TBC1D5: variants seen among roughly 807,000 people sequenced by gnomAD.
TBC1D5 encodes the protein TBC1 domain family, member 5.
Under a neutral mutation model 100.3 loss-of-function variants are expected in TBC1D5, and 75 were observed. That is an observed-to-expected ratio of 0.75 (90% confidence interval 0.62 to 0.91). The LOEUF (loss-of-function observed/expected upper bound fraction) is 0.91, where lower values mean the gene tolerates loss of function less well. TBC1D5 is among the 40% of genes least tolerant of loss of function. TBC1D5 has a pLI of 0.00. For synonymous variants in TBC1D5, 323 were observed against 325.6 expected, an observed-to-expected ratio of 0.99 and a Z score of 0.09; for missense variants, 910 against 942.4, an observed-to-expected ratio of 0.97 and a Z score of 0.45.
At chr3:17,452,726 G>T (rs2094956159) in intron 3 of TBC1D5, among the ~76,000 whole-genome samples, 2 of 151,888 alleles carry the variant, frequency 1.3e-5, no homozygotes, top group African/African-American at 4.8e-5. Flanking sequence ...AGAGAATTCA[G>T]CACCCCACTT....
chr3:17,660,371 T>C (rs978565468), intron 1 of TBC1D5, among the ~76,000 whole-genome samples: 1 of 152,156 alleles, frequency 6.6e-6, no homozygotes, highest in Non-Finnish European at 1.5e-5. Flanking sequence ...GAAGCTGACC[T>C]ACCCAGTCTC....
At chr3:17,469,553 T>G (rs11924970) in intron 3 of TBC1D5, among the ~76,000 whole-genome samples, 13,874 of 152,100 alleles carry the variant, frequency 0.091, 1,430 homozygotes, top group African/African-American at 0.26. Flanking sequence ...ACAAAGTTAT[T>G]GAAACTTTTT....
In TBC1D5 at chr3:17,372,205, G is replaced by A; in HGVS notation, c.865C>T (p.Gln289Ter). 6.2e-7 allele frequency: 1 copy of A among 1,613,552 alleles called. No individual in the cohort carries two copies. Among genetic ancestry groups the A allele is most frequent in the Non-Finnish European group, 8.5e-7 (1 of 1,179,696 alleles). ...ATAGCAATTGTTGGCCCTAAATCTT[G>A]TGGTCTAGCAAAGGGAATGGGAGTC... The change falls in exon 13 of 22, where the codon CAA becomes TAA. Residue 289 changes from glutamine (Q) to a stop codon, truncating the protein, a stop_gained. Transcript: ENST00000253692. LOFTEE classifies it high-confidence loss of function.
At position 17,264,411 on chromosome 3, in the gene TBC1D5, T is replaced by C. The variant is rs148895780; in HGVS notation, c.1246-5820A>G. ...CAGAAGGAGAAGTCTCATCTTGCTTTGAACAGCAGAGTATATTTCAAAGGA... is the reference window on the plus strand; with the variant it reads ...CAGAAGGAGAAGTCTCATCTTGCTTCGAACAGCAGAGTATATTTCAAAGGA... On this transcript the variant is annotated intron_variant, in intron 15 of 21. Coordinates refer to ENST00000253692, the Ensembl canonical transcript of TBC1D5. 1.6e-4 allele frequency among the ~76,000 whole-genome samples: 24 copies of C among 152,308 alleles called. No individual in the cohort carries two copies. In the East Asian group the frequency reaches 3.1e-3, roughly 20 times the overall value.
chr3:17,476,811 CAT>C (rs946144456), intron 3 of TBC1D5, among the ~76,000 whole-genome samples: 1 of 151,936 alleles, frequency 6.6e-6, no homozygotes, highest in Middle Eastern at 3.2e-3. Context: ...AAAACTACCA[CAT>C]AGTTTACTGA....
chr3:17,447,181 T>A (rs2094818860), intron 3 of TBC1D5, among the ~76,000 whole-genome samples: 1 of 152,122 alleles, frequency 6.6e-6, no homozygotes, highest in African/African-American at 2.4e-5. Context: ...TGAGTGACAG[T>A]CACCAGAGTA....
At chr3:17,720,250 A>AAG (rs2075583871) in intron 1 of TBC1D5, among the ~76,000 whole-genome samples, 1 of 152,224 alleles carries the variant, frequency 6.6e-6, no homozygotes, top group East Asian at 1.9e-4. Flanking sequence ...GTAACCTGAA[A>AAG]AAAACTGAAA....
At chr3:17,214,674 T>C (rs2073413641) in intron 17 of TBC1D5, among the ~76,000 whole-genome samples, 1 of 150,644 alleles carries the variant, frequency 6.6e-6, no homozygotes, top group African/African-American at 2.4e-5. Flanking sequence ...CAGTAAACAA[T>C]GGTTAAATGA....
chr3:17,558,682 C>T lies in TBC1D5; in HGVS notation c.-35-50077G>A, dbSNP rs550311906. ...TTGGCAACATTATTCTGAAAAAGAA[C>T]TAGACATAGTAAATATCTTAGGCTC... On this transcript the variant is annotated intron_variant, in intron 2 of 21. Coordinates refer to ENST00000253692, the Ensembl canonical transcript of TBC1D5. 2.5e-4 allele frequency among the ~76,000 whole-genome samples: 38 copies of T among 152,302 alleles called. 1 individual carries two copies. The South Asian group carries it at 7.9e-3, about 32-fold the overall frequency.
intron 17 of TBC1D5, 117 bp from the exon 19 acceptor site, chr3:17,214,487 C>A (rs556050628): frequency 5.8e-6 from 6 of 1,032,354 alleles, no homozygotes; most frequent in Admixed American, 2.9e-5. Flanking sequence ...ATACTATCAA[C>A]ATAATGACAC....
intron 13 of TBC1D5, among the ~76,000 whole-genome samples, chr3:17,340,056 TAGA>T (rs2088618520): frequency 6.6e-6 from 1 of 152,152 alleles, no homozygotes; most frequent in Admixed American, 6.5e-5. Flanking sequence ...TCTTAGAAGC[TAGA>T]AGAATGGTAA....
chr3:17,176,705 TG>T (rs1391928506), intron 19 of TBC1D5, among the ~76,000 whole-genome samples: 1 of 151,666 alleles, frequency 6.6e-6, no homozygotes, highest in African/African-American at 2.4e-5. Flanking sequence ...ATGTAGATGA[TG>T]GGTTGATGGG....
chr3:17,461,911 T>C (rs989768632), intron 3 of TBC1D5, among the ~76,000 whole-genome samples: 3 of 152,160 alleles, frequency 2.0e-5, no homozygotes, highest in African/African-American at 7.2e-5. Flanking sequence ...CTAAGAGACA[T>C]TTCATTTCTG....
intron 19 of TBC1D5, among the ~76,000 whole-genome samples, chr3:17,169,275 C>G (rs1484094612): frequency 6.6e-6 from 1 of 152,170 alleles, no homozygotes; most frequent in African/African-American, 2.4e-5. Flanking sequence ...TGGTGCATTA[C>G]AGGTACACAA....
intron 16 of TBC1D5, among the ~76,000 whole-genome samples, chr3:17,248,695 AT>A (rs1306809812): frequency 6.6e-6 from 1 of 151,910 alleles, no homozygotes; most frequent in Non-Finnish European, 1.5e-5. Context: ...TGAAAGGAAT[AT>A]TTTTTTTCTG....
intron 3 of TBC1D5, among the ~76,000 whole-genome samples, chr3:17,498,580 C>G (rs2095745114): frequency 6.6e-6 from 1 of 152,116 alleles, no homozygotes; most frequent in Non-Finnish European, 1.5e-5. Context: ...AACACATCTC[C>G]TTTTACCAAA....
At chr3:17,464,155 T>C (rs1195779889) in intron 3 of TBC1D5, among the ~76,000 whole-genome samples, 1 of 152,012 alleles carries the variant, frequency 6.6e-6, no homozygotes, top group East Asian at 1.9e-4. Context: ...TTCTCCATAT[T>C]GGTCAGGCTG....
intron 3 of TBC1D5, among the ~76,000 whole-genome samples, chr3:17,497,796 T>C (rs1256461352): frequency 6.6e-6 from 1 of 152,162 alleles, no homozygotes; most frequent in Non-Finnish European, 1.5e-5. Flanking sequence ...AAAAGATTAT[T>C]TGGCTCACAC....
exon 22 of TBC1D5, chr3:17,157,262 G>A (rs2065662029): frequency 1.3e-5 from 2 of 152,262 alleles, no homozygotes; most frequent in African/African-American, 4.8e-5. Context: ...ATAGCATAAA[G>A]ATGGATGAGA....
Sources: allele counts gnomAD v4.1 joint callset (sites outside exome capture counted in the v4.1 genomes callset), GRCh38; gene constraint gnomAD v4.1.1; transcripts MANE v1.5; gene names NCBI Gene and HGNC (gene_info 2026-07-23, HGNC 2026-07-21).